The following ANKRD13A variants were observed in gnomAD, a reference collection of about 807,000 sequenced individuals.
ANKRD13A encodes ankyrin repeat domain-containing protein 13A.
Under a neutral mutation model 81.3 loss-of-function variants are expected in ANKRD13A, and 48 were observed. The ratio of observed to expected loss-of-function variants is 0.59; its 90% confidence interval spans 0.47 to 0.75. The LOEUF (loss-of-function observed/expected upper bound fraction) is 0.75, where lower values mean the gene tolerates loss of function less well. ANKRD13A is among the 30% of genes least tolerant of loss of function. The pLI, the probability that ANKRD13A is intolerant of heterozygous loss-of-function variation, is 0.00. For missense variants in ANKRD13A, 612 were observed against 734.0 expected (o/e 0.83, Z 1.92); for synonymous variants, 230 against 270.1 (o/e 0.85, Z 1.45).
intron 8 of ANKRD13A, 37 bp from the exon 9 acceptor site, chr12:110,027,668 T>C: frequency 6.3e-7 from 1 of 1,596,336 alleles, no homozygotes; most frequent in Non-Finnish European, 8.6e-7. Context: ...ACAAGTGAGA[T>C]ATAATATTAG....
At chr12:110,019,398 A>T (rs1890961863) in intron 6 of ANKRD13A, 70 bp downstream of exon 6, 1 of 1,404,008 alleles carries the variant, frequency 7.1e-7, no homozygotes, top group African/African-American at 1.4e-5. Context: ...TGTATGTATT[A>T]ATTGTAAATT....
chr12:110,002,325 A>T (rs1298490752), intron 1 of ANKRD13A, among the ~76,000 whole-genome samples: 1 of 152,160 alleles, frequency 6.6e-6, no homozygotes, highest in Non-Finnish European at 1.5e-5. Flanking sequence ...TAAAAACAAA[A>T]AATTCTTAAG....
At chr12:110,030,517 GT>G in intron 11 of ANKRD13A, 127 bp from the exon 12 acceptor site, 1 of 465,852 alleles carries the variant, frequency 2.1e-6, no homozygotes, top group Non-Finnish European at 3.7e-6. Flanking sequence ...ATTGGGAAGG[GT>G]TGTTATGAGG....
chr12:110,031,859 A>C (rs940760738), intron 12 of ANKRD13A, among the ~76,000 whole-genome samples: 2 of 152,008 alleles, frequency 1.3e-5, no homozygotes, highest in Non-Finnish European at 2.9e-5. Flanking sequence ...TCGTTTTTAA[A>C]AATTTTTTAT....
At chr12:110,003,417 G>A (rs1890078226) in intron 1 of ANKRD13A, among the ~76,000 whole-genome samples, 1 of 152,216 alleles carries the variant, frequency 6.6e-6, no homozygotes, top group African/African-American at 2.4e-5. Flanking sequence ...CTCTCCTCAT[G>A]TGCCCCCTTG....
chr12:110,013,076 G>T, intron 2 of ANKRD13A, 49 bp from the exon 3 acceptor site: 1 of 1,606,628 alleles, frequency 6.2e-7, no homozygotes, highest in South Asian at 1.1e-5. Flanking sequence ...CCTGGTTTTG[G>T]AATTTGTCAG....
In ANKRD13A at chr12:110,033,828, A is replaced by G. The variant is rs75891377; in HGVS notation, c.1380A>G (p.Gln460=). Residue 460 remains glutamine, a synonymous_variant, in exon 13 of 15, where the codon CAA becomes CAG. Transcript: ENST00000261739. The part of the protein sequence containing the change: ...ASHITNFEVD[Q]SVFEIPESYY... ...ACATCACAAACTTTGAGGTTGATCA[A>G]TCTGTGTTTGAAATTCCCGAATCTT... The G allele has an allele frequency of 1.9e-3, 3,062 of 1,608,902 alleles. 35 individuals carry two copies. In the African/African-American group the frequency reaches 0.025, roughly 13 times the overall value.
chr12:110,022,877 CG>C (rs1201479870), intron 6 of ANKRD13A, among the ~76,000 whole-genome samples: 2 of 152,138 alleles, frequency 1.3e-5, no homozygotes, highest in Admixed American at 1.3e-4. Context: ...TTTCCATCCA[CG>C]GGTTGTGCTG....
At chr12:110,017,437 G>A (rs916146226) in intron 4 of ANKRD13A, among the ~76,000 whole-genome samples, 5 of 152,066 alleles carry the variant, frequency 3.3e-5, no homozygotes, top group Non-Finnish European at 7.3e-5. Context: ...TTCATTTCTT[G>A]TAGATAAATT....
At chr12:110,029,725 G>A (rs1181224763) in intron 11 of ANKRD13A, 90 bp downstream of exon 11, 4 of 1,488,498 alleles carry the variant, frequency 2.7e-6, no homozygotes, top group Admixed American at 1.7e-5. Context: ...TCAGGGAATT[G>A]GAGTGCTTTA....
chr12:110,006,119 A>G (rs1176871262), intron 1 of ANKRD13A, among the ~76,000 whole-genome samples: 3 of 152,120 alleles, frequency 2.0e-5, no homozygotes, highest in East Asian at 1.9e-4. Context: ...ACCCAGCCCC[A>G]TGTATAAGTT....
rs1056384810 is a variant in ANKRD13A, at chr12:109,999,444, G to T, written c.-245G>T. The T allele has an allele frequency of 4.4e-6, 1 of 225,734 alleles. No individual in the cohort carries two copies. The highest frequency in any genetic ancestry group is 8.6e-6 in the Non-Finnish European group (1 of 116,914). The allele number at this position is 225,734 out of a possible 1,614,324, so 14.0% of individuals were successfully genotyped here. Reference sequence around the variant, plus strand: ...GTTAGGTCCGCAGAAGTCTGTCCGCGAGCTGTCAGCGCGGGCGGGAACGCC... The same window carrying T: ...GTTAGGTCCGCAGAAGTCTGTCCGCTAGCTGTCAGCGCGGGCGGGAACGCC... On this transcript the variant is annotated 5_prime_UTR_variant, in exon 1 of 15. Transcript: ENST00000261739. This position sits in a 1 kb window ranked among gnomAD's most constrained non-coding sequence, Gnocchi z 4.3.
At chr12:110,034,048 C>A in intron 13 of ANKRD13A, 91 bp downstream of exon 13, 2 of 1,281,154 alleles carry the variant, frequency 1.6e-6, no homozygotes, top group Non-Finnish European at 2.1e-6. Flanking sequence ...AAGATTTATT[C>A]TAAATATCAA....
At chr12:110,003,340 G>T (rs1007697193) in intron 1 of ANKRD13A, among the ~76,000 whole-genome samples, 1 of 152,168 alleles carries the variant, frequency 6.6e-6, no homozygotes, top group Non-Finnish European at 1.5e-5. Flanking sequence ...GCCAGGTGAG[G>T]CCCCGGGCAC....
intron 1 of ANKRD13A, among the ~76,000 whole-genome samples, chr12:110,003,001 A>T (rs1890059726): frequency 6.6e-6 from 1 of 152,188 alleles, no homozygotes. Flanking sequence ...CCATCAGCTC[A>T]TTAATATTCA....
intron 10 of ANKRD13A, 32 bp downstream of exon 10, chr12:110,028,674 A>G (rs768225979): frequency 1.2e-6 from 2 of 1,613,256 alleles, no homozygotes; most frequent in Non-Finnish European, 1.7e-6. Flanking sequence ...TTTTCAACCT[A>G]TGTATGTTTC....
intron 4 of ANKRD13A, among the ~76,000 whole-genome samples, chr12:110,017,109 T>C (rs1436299727): frequency 1.3e-5 from 2 of 151,262 alleles, no homozygotes; most frequent in East Asian, 3.9e-4. Context: ...GGGGTTTCAT[T>C]ATGTTGGCCA....
chr12:110,018,365 T>C lies in ANKRD13A; in HGVS notation c.421T>C (p.Cys141Arg). The C allele has an allele frequency of 2.5e-6, 4 of 1,614,126 alleles. No homozygotes were observed. Among genetic ancestry groups the C allele is most frequent in the South Asian group, 2.2e-5 (2 of 91,082 alleles). Residue 141 changes from cysteine to arginine, a missense_variant, in exon 5 of 15, where the codon TGC becomes CGC. Transcript: ENST00000261739. This position sits in a 1 kb window ranked among gnomAD's most constrained non-coding sequence, Gnocchi z 4.4. ...TSWVPLVSRI[C>R]PNDVCRIWKS... The stretch of plus-strand genomic sequence containing the variant: ...TCCAGTGCCCTTGGTTTCTAGAATA[T>C]GCCCAAATGATGTCTGTCGCATCTG...
chr12:110,035,315 G>A (rs932277678), intron 13 of ANKRD13A, among the ~76,000 whole-genome samples: 2 of 152,188 alleles, frequency 1.3e-5, no homozygotes, highest in Non-Finnish European at 2.9e-5. Context: ...TGCCCTAGAA[G>A]AATTACTGGC....
Sources: gnomAD v4.1 joint callset for allele counts (sites outside exome capture counted in the v4.1 genomes callset) on GRCh38, gnomAD v4.1.1 for gene constraint, Gnocchi (gnomAD v3.1) non-coding constraint, MANE v1.5 for transcripts, NCBI Gene and HGNC (gene_info 2026-07-23, HGNC 2026-07-21) for gene names.